Variants in SYT1 observed in about 807,000 individuals in gnomAD.
SYT1 encodes the protein synaptotagmin-1.
Under a neutral mutation model 44.8 loss-of-function variants are expected in SYT1, and 8 were observed. The observed-to-expected ratio is 0.18, with a 90% CI of 0.10 to 0.32. The LOEUF is 0.32. Ranked by LOEUF, SYT1 falls within the 10% of genes least tolerant of loss-of-function variation. The pLI is 1.00. For synonymous variants in SYT1, 154 were observed against 188.8 expected, an observed-to-expected ratio of 0.82 and a Z score of 1.51; for missense variants, 286 against 509.3, an observed-to-expected ratio of 0.56 and a Z score of 4.22.
intron 8 of SYT1, among the ~76,000 whole-genome samples, chr12:79,348,354 G>T (rs1245910785): frequency 1.3e-5 from 2 of 152,130 alleles, no homozygotes; most frequent in Non-Finnish European, 2.9e-5. Context: ...GGGACTGAGG[G>T]GTTTCCCAGG....
chr12:79,403,900 T>C (rs1565943835), intron 9 of SYT1, among the ~76,000 whole-genome samples: 1 of 152,150 alleles, frequency 6.6e-6, no homozygotes, highest in South Asian at 2.1e-4. Flanking sequence ...AAAACAACTC[T>C]CTTAGAAGTT....
chr12:79,061,213 T>C lies in SYT1; in HGVS notation c.-18+13851T>C, dbSNP rs1875358037. Among the ~76,000 whole-genome samples, 3 of 152,072 alleles carry C rather than the reference T, an allele frequency of 2.0e-5. No individual in the cohort carries two copies. In the South Asian group the frequency reaches 6.2e-4, roughly 31 times the overall value. ...AATTGGTGTCTGAACCTTAAGTCAA[T>C]AAGAAGGAAATAATCTATACAGTTT... On this transcript the variant is annotated intron_variant, in intron 3 of 10. Transcript: ENST00000261205.
intron 9 of SYT1, among the ~76,000 whole-genome samples, chr12:79,398,816 T>C (rs552379815): frequency 6.6e-6 from 1 of 152,196 alleles, no homozygotes; most frequent in African/African-American, 2.4e-5. Flanking sequence ...AAATAATGCA[T>C]TTTGAGTAGG....
At chr12:79,357,905 G>A (rs568137882) in intron 9 of SYT1, among the ~76,000 whole-genome samples, 1 of 152,284 alleles carries the variant, frequency 6.6e-6, no homozygotes, top group Non-Finnish European at 1.5e-5. Flanking sequence ...AGAGGTCAAA[G>A]TAAAGGCATT....
At chr12:79,276,243 G>T (rs996985342) in intron 4 of SYT1, among the ~76,000 whole-genome samples, 1 of 151,806 alleles carries the variant, frequency 6.6e-6, no homozygotes, top group African/African-American at 2.4e-5. Context: ...ACCAGATAAA[G>T]AATTCAAAAA....
Position 79,449,923 on chromosome 12 carries a change from CGTGTGTGTGTGTGTGTGTGT to C in SYT1, c.*815_*834del, listed in dbSNP as rs5799433. On this transcript the variant is annotated 3_prime_UTR_variant, in exon 11 of 11. Coordinates refer to ENST00000261205, the MANE Select transcript of SYT1 (RefSeq NM_005639.3). ...CATATAGAATAACAACAAGGTGTTC[CGTGTGTGTGTGTGTGTGTGT>C]GTGTGTGTGTGTGTGCACATTTGTT... The C allele has an allele frequency of 6.9e-6, 1 of 145,894 alleles. No homozygotes were observed. The highest frequency in any genetic ancestry group is 2.5e-5 in the African/African-American group (1 of 39,606). 9.0% of individuals were successfully genotyped at this position (145,894 alleles called of 1,614,324 possible).
chr12:79,422,349 G>A (rs1869170540), intron 9 of SYT1, among the ~76,000 whole-genome samples: 1 of 151,866 alleles, frequency 6.6e-6, no homozygotes, highest in Admixed American at 6.6e-5. Context: ...TTCTTTTAAG[G>A]TTGATTGGTT....
intron 3 of SYT1, among the ~76,000 whole-genome samples, chr12:79,058,559 C>G (rs1188807568): frequency 2.0e-5 from 3 of 152,042 alleles, no homozygotes; most frequent in African/African-American, 7.2e-5. Flanking sequence ...CAAAATGACT[C>G]AGTACAGCTG....
At chr12:79,200,609 A>T (rs2138492280) in intron 3 of SYT1, among the ~76,000 whole-genome samples, 2 of 152,300 alleles carry the variant, frequency 1.3e-5, no homozygotes, top group Non-Finnish European at 2.9e-5. Context: ...GGGAACTCCT[A>T]GCTTATCTAC....
intron 9 of SYT1, among the ~76,000 whole-genome samples, chr12:79,391,362 AC>A (rs1884650368): frequency 6.6e-6 from 1 of 152,182 alleles, no homozygotes; most frequent in African/African-American, 2.4e-5. Flanking sequence ...AACAAAAATA[AC>A]AAGTCAGCAG....
chr12:79,438,844 AAC>A (rs909511228), intron 9 of SYT1, among the ~76,000 whole-genome samples: 1 of 152,216 alleles, frequency 6.6e-6, no homozygotes, highest in Non-Finnish European at 1.5e-5. Context: ...CCGTAGCTTT[AAC>A]ACAGTGACTT....
In SYT1 at chr12:79,291,827, C is replaced by G. The variant is rs537219247; in HGVS notation, c.352-181C>G. 43 of 801,220 alleles carry G rather than the reference C, an allele frequency of 5.4e-5. No homozygotes were observed. The South Asian group carries it at 5.6e-4, about 10-fold the overall frequency. 49.6% of individuals were successfully genotyped at this position (801,220 alleles called of 1,614,324 possible). ...TGCTTGCTGATTGGGGAAAGAAATT[C>G]CGTGCACAAAAGGAATTTAAAAAAT... On this transcript the variant is annotated intron_variant, in intron 5 of 10. Transcript: ENST00000261205.
intron 4 of SYT1, among the ~76,000 whole-genome samples, chr12:79,225,869 C>T (rs1241446314): frequency 2.6e-5 from 4 of 152,212 alleles, no homozygotes; most frequent in African/African-American, 9.6e-5. Flanking sequence ...CTCACCCCAT[C>T]TTTGCCAGTA....
At chr12:79,229,274 T>C (rs1875717098) in intron 4 of SYT1, among the ~76,000 whole-genome samples, 1 of 152,192 alleles carries the variant, frequency 6.6e-6, no homozygotes. Context: ...AGATATCAAA[T>C]TACAAAAATT....
chr12:79,298,080 G>T (rs966754870), intron 7 of SYT1, among the ~76,000 whole-genome samples: 9 of 152,058 alleles, frequency 5.9e-5, no homozygotes, highest in Admixed American at 4.6e-4. Flanking sequence ...CCCTTTAGTT[G>T]GAAAGTCCAA....
At chr12:78,881,512 C>T (rs926236565) in intron 1 of SYT1, among the ~76,000 whole-genome samples, 11 of 151,694 alleles carry the variant, frequency 7.3e-5, no homozygotes, top group South Asian at 2.1e-4. Context: ...CAGACATTAT[C>T]GAACCTTGTT....
chr12:79,205,384 T>C (rs1874060817), intron 3 of SYT1, among the ~76,000 whole-genome samples: 1 of 152,208 alleles, frequency 6.6e-6, no homozygotes, highest in Non-Finnish European at 1.5e-5. Flanking sequence ...TTGGGAGGCT[T>C]TTTAGAGCCA....
At chr12:79,242,453 A>G (rs1371661648) in intron 4 of SYT1, among the ~76,000 whole-genome samples, 1 of 152,210 alleles carries the variant, frequency 6.6e-6, no homozygotes, top group Non-Finnish European at 1.5e-5. Context: ...TGGGCTTGAA[A>G]TGCTGATTTA....
intron 2 of SYT1, among the ~76,000 whole-genome samples, chr12:79,002,768 T>G (rs1870826214): frequency 6.6e-6 from 1 of 151,982 alleles, no homozygotes; most frequent in Non-Finnish European, 1.5e-5. Flanking sequence ...GTTAAGGAGA[T>G]GAGGAGGTAA....
Sources: gnomAD v4.1 joint callset for allele counts (sites outside exome capture counted in the v4.1 genomes callset) on GRCh38, gnomAD v4.1.1 for gene constraint, MANE v1.5 for transcripts, NCBI Gene and HGNC (gene_info 2026-07-23, HGNC 2026-07-21) for gene names.